The following USP35 variants were observed in gnomAD, a reference collection of about 807,000 sequenced individuals.
The protein encoded by USP35 is ubiquitin carboxyl-terminal hydrolase 35.
In USP35, 69 loss-of-function variants were observed where a neutral mutation model predicts 83.8. That is an observed-to-expected ratio of 0.82 (90% CI 0.68 to 1.01). The LOEUF (loss-of-function observed/expected upper bound fraction) is 1.01, where lower values mean the gene tolerates loss of function less well. USP35 is among the 50% of genes least tolerant of loss of function. USP35 has a pLI of 0.00. For synonymous variants in USP35, 714 were observed against 589.5 expected, an observed-to-expected ratio of 1.21 and a Z score of -3.06; for missense variants, 1,503 against 1,362.5, an observed-to-expected ratio of 1.10 and a Z score of -1.62.
chr11:78,233,595 G>A, the USP35 span, among the ~76,000 whole-genome samples: 20 of 151,894 alleles, frequency 1.3e-4, no homozygotes, highest in East Asian at 3.1e-3. Flanking sequence ...ATATTTTCTC[G>A]CATTTTGTGA....
chr11:78,196,199 G>A lies in USP35; in HGVS notation c.-10-37G>A, dbSNP rs779251119. 3 of 1,545,906 alleles carry A rather than the reference G, an allele frequency of 1.9e-6. No individual in the cohort carries two copies. The highest frequency in any genetic ancestry group is 1.4e-5 in the African/African-American group (1 of 70,676). Reference sequence around the variant, plus strand: ...GCACCGGGAACTCTTGAGCCCCGCGGTTGTCGGGCTGTGACCTCATTCCCT... The same window carrying A: ...GCACCGGGAACTCTTGAGCCCCGCGATTGTCGGGCTGTGACCTCATTCCCT... On this transcript the variant is annotated intron_variant, in intron 1 of 10. Coordinates refer to ENST00000529308, the MANE Select transcript of USP35 (RefSeq NM_020798.4). The surrounding 1 kb of genome is among the most constrained non-coding windows in gnomAD (Gnocchi z 4.8).
chr11:78,226,863 CGGG>C, the USP35 span: 1 of 1,614,004 alleles, frequency 6.2e-7, no homozygotes, highest in African/African-American at 1.3e-5. Context: ...GGCCAGGCTG[CGGG>C]GGAGGTCGTA....
At chr11:78,198,496 C>A (rs919945097) in intron 3 of USP35, among the ~76,000 whole-genome samples, 10 of 152,192 alleles carry the variant, frequency 6.6e-5, no homozygotes, top group Non-Finnish European at 1.5e-4. Flanking sequence ...ATATCCCCCA[C>A]CTCATCTGAA....
At chr11:78,222,671 C>T in the USP35 span, among the ~76,000 whole-genome samples, 1 of 152,038 alleles carries the variant, frequency 6.6e-6, no homozygotes, top group African/African-American at 2.4e-5. Context: ...CAACCTCTGC[C>T]TCCTGAGTTC....
the USP35 span, among the ~76,000 whole-genome samples, chr11:78,233,040 G>GTTTTTTTTTTTTTTT: frequency 5.6e-3 from 741 of 131,870 alleles, 40 homozygotes; most frequent in African/African-American, 0.021. Flanking sequence ...GCACTGTTAA[G>GTTTTTTTTTTTTTTT]TTTTTTTTTT....
chr11:78,235,006 T>C, the USP35 span, among the ~76,000 whole-genome samples: 1 of 151,810 alleles, frequency 6.6e-6, no homozygotes, highest in Non-Finnish European at 1.5e-5. Context: ...CGACAGACTT[T>C]CTCCTCCCGG....
At chr11:78,218,874 G>A (rs1204288204), downstream of USP35, 1 of 168,398 alleles carries the variant, frequency 5.9e-6, no homozygotes, top group African/African-American at 2.4e-5. Context: ...CCAGTGGCCG[G>A]AGGGAAGATA....
intron 3 of USP35, chr11:78,198,751 C>T: frequency 5.2e-6 from 5 of 959,262 alleles, no homozygotes; most frequent in Non-Finnish European, 6.2e-6. Flanking sequence ...CCGCCTCTAC[C>T]ACTTCTTGCC....
the USP35 span, chr11:78,226,732 T>C: frequency 1.2e-6 from 2 of 1,613,976 alleles, no homozygotes; most frequent in Non-Finnish European, 1.7e-6. Context: ...GGAACATCCA[T>C]ATTGTCTACC....
At chr11:78,189,930 T>C (rs1862950872) in intron 1 of USP35, among the ~76,000 whole-genome samples, 1 of 152,102 alleles carries the variant, frequency 6.6e-6, no homozygotes, top group Non-Finnish European at 1.5e-5. Context: ...AGTTAAAAAA[T>C]ACCTAGAGAG....
At chr11:78,226,729 C>T in the USP35 span, 5 of 1,613,980 alleles carry the variant, frequency 3.1e-6, no homozygotes, top group Non-Finnish European at 4.2e-6. Context: ...GCCGGAACAT[C>T]CATATTGTCT....
chr11:78,195,589 C>T (rs1042402101), intron 1 of USP35, among the ~76,000 whole-genome samples: 3 of 152,200 alleles, frequency 2.0e-5, no homozygotes, highest in African/African-American at 7.2e-5. Flanking sequence ...TGGACAGCAG[C>T]TTCTAGATCC....
chr11:78,189,872 G>A (rs1352511967), intron 1 of USP35, among the ~76,000 whole-genome samples: 2 of 152,186 alleles, frequency 1.3e-5, no homozygotes, highest in East Asian at 1.9e-4. Flanking sequence ...TGGGCCTCCC[G>A]GAGTAGGGTG....
chr11:78,232,227 C>G, the USP35 span, among the ~76,000 whole-genome samples: 1 of 152,168 alleles, frequency 6.6e-6, no homozygotes, highest in African/African-American at 2.4e-5. Context: ...TACCATTTAC[C>G]CACCATCTTT....
At chr11:78,192,589 T>A (rs539273701) in intron 1 of USP35, among the ~76,000 whole-genome samples, 12 of 152,270 alleles carry the variant, frequency 7.9e-5, no homozygotes, top group African/African-American at 2.2e-4. Flanking sequence ...TTGGGGCAGG[T>A]GGGCAGGGCT....
At chr11:78,215,295 C>T (rs1023933004), downstream of USP35, 16 of 152,590 alleles carry the variant, frequency 1.0e-4, no homozygotes, top group African/African-American at 3.4e-4. Context: ...GCAGCTGGTT[C>T]TGGGGTGCAT....
In USP35 at chr11:78,213,668, G is replaced by A. The variant is rs146860446; in HGVS notation, c.2912G>A (p.Ser971Asn). The change falls in exon 11 of 11, where the codon AGC becomes AAC. Residue 971 changes from serine to asparagine, a missense_variant. Coordinates refer to ENST00000529308, the MANE Select transcript of USP35 (RefSeq NM_020798.4). ...CAGGAGCAGGAGAAGGAGGCCCGGA[G>A]CAGGGCGGCCTACATCTCTGCACTC... ...YLQEQEKEAR[S>N]RAAYISALPT... is the part of the protein sequence containing the mutation. The A allele has an allele frequency of 6.7e-7, 1 of 1,501,364 alleles. No homozygotes were observed. Among genetic ancestry groups the A allele is most frequent in the Admixed American group, 2.7e-5 (1 of 37,016 alleles). 93.0% of individuals were successfully genotyped at this position (1,501,364 alleles called of 1,614,324 possible). A position where few individuals can be genotyped will look rare whatever the true frequency, so the allele number is the denominator to read the frequency against.
chr11:78,195,450 A>G (rs998731014), intron 1 of USP35, among the ~76,000 whole-genome samples: 2 of 152,134 alleles, frequency 1.3e-5, no homozygotes, highest in African/African-American at 4.8e-5. Flanking sequence ...GGCAGAAAGA[A>G]AGAGTGCGAG....
chr11:78,226,551 G>A, the USP35 span: 3 of 1,613,238 alleles, frequency 1.9e-6, no homozygotes, highest in Non-Finnish European at 2.5e-6. Context: ...TTCACTGATT[G>A]GCGGTCTCTG....
Sources: gnomAD v4.1 joint callset for allele counts (sites outside exome capture counted in the v4.1 genomes callset) on GRCh38, gnomAD v4.1.1 for gene constraint, Gnocchi (gnomAD v3.1) non-coding constraint, MANE v1.5 for transcripts, NCBI Gene and HGNC (gene_info 2026-07-23, HGNC 2026-07-21) for gene names.